The following TBC1D14 variants were observed in gnomAD, a reference collection of about 807,000 sequenced individuals.
TBC1D14 encodes the protein TBC1 domain family, member 14.
TBC1D14 carries 26 observed loss-of-function variants against 79.0 expected under a neutral mutation model. The ratio of observed to expected loss-of-function variants is 0.33; its 90% confidence interval spans 0.24 to 0.46. The LOEUF is 0.46. Ranked by LOEUF, TBC1D14 falls within the 20% of genes least tolerant of loss-of-function variation. The probability of loss-of-function intolerance (pLI) is 1.00; values close to 1 mark genes in which losing one functional copy is unlikely to be tolerated. For missense variants in TBC1D14, 769 were observed against 887.6 expected (o/e 0.87, Z 1.70); for synonymous variants, 394 against 349.9 (o/e 1.13, Z -1.40).
At chr4:6,959,959 T>C (rs1442405144) in intron 2 of TBC1D14, among the ~76,000 whole-genome samples, 3 of 152,166 alleles carry the variant, frequency 2.0e-5, no homozygotes, top group Non-Finnish European at 2.9e-5. Context: ...AAATGCCTAG[T>C]TTTGCAGTGG....
chr4:6,991,992 G>C (rs542887813), intron 3 of TBC1D14, among the ~76,000 whole-genome samples: 51 of 152,202 alleles, frequency 3.4e-4, no homozygotes, highest in Non-Finnish European at 3.4e-4. Flanking sequence ...TGGCACTAGA[G>C]CATGGTTTTC....
intron 1 of TBC1D14, among the ~76,000 whole-genome samples, chr4:6,921,817 T>C (rs4689559): frequency 0.97 from 146,125 of 151,236 alleles, 70,790 homozygotes; most frequent in East Asian, 1. Flanking sequence ...CTGCCTCAGC[T>C]TCCCTAGTAG....
Position 7,024,990 on chromosome 4 carries a change from C to G in TBC1D14, c.1758-14C>G. ...AGATTCAAAATCTGAAAAATTCCAACTTTTACCCCCTAGGATCTTTACCTT... is the reference window on the plus strand; with the variant it reads ...AGATTCAAAATCTGAAAAATTCCAAGTTTTACCCCCTAGGATCTTTACCTT... On this transcript the variant is annotated splice_polypyrimidine_tract_variant and intron_variant, in intron 12 of 13. Coordinates refer to ENST00000409757, the MANE Select transcript of TBC1D14 (RefSeq NM_020773.3). 6.2e-7 allele frequency: 1 copy of G among 1,611,532 alleles called. No individual in the cohort carries two copies. Among genetic ancestry groups the G allele is most frequent in the Non-Finnish European group, 8.5e-7 (1 of 1,178,174 alleles).
intron 1 of TBC1D14, among the ~76,000 whole-genome samples, chr4:6,912,699 A>C (rs1300539070): frequency 2.0e-5 from 3 of 152,224 alleles, no homozygotes; most frequent in African/African-American, 7.2e-5. Context: ...CGTGTCCAGG[A>C]AAGAGTAACA....
At chr4:6,950,217 CG>C (rs1192401949) in intron 2 of TBC1D14, among the ~76,000 whole-genome samples, 1 of 152,206 alleles carries the variant, frequency 6.6e-6, no homozygotes, top group Non-Finnish European at 1.5e-5. Flanking sequence ...CAGCTTCATC[CG>C]TGTCCCTGCA....
At chr4:6,914,515 C>T (rs1723240749) in intron 1 of TBC1D14, among the ~76,000 whole-genome samples, 1 of 152,198 alleles carries the variant, frequency 6.6e-6, no homozygotes, top group African/African-American at 2.4e-5. Context: ...CAGTGAGTGC[C>T]TCGGCTACTC....
At chr4:6,989,391 G>A in intron 3 of TBC1D14, among the ~76,000 whole-genome samples, 1 of 152,184 alleles carries the variant, frequency 6.6e-6, no homozygotes, top group South Asian at 2.1e-4. Context: ...GTGCTAGCCT[G>A]CTTGTGGGTG....
In TBC1D14 at chr4:6,962,155, G is replaced by A. The variant is rs542368797; in HGVS notation, c.723-5149G>A. Among the ~76,000 whole-genome samples the A allele has an allele frequency of 5.9e-5, 9 of 152,302 alleles. No homozygotes were observed. In the South Asian group the frequency reaches 1.9e-3, roughly 32 times the overall value. ...GAGGGATCTGAGTGGGCACCTGGAC[G>A]AAGGGGCTAGGTAGGAGGTGAGATA... On this transcript the variant is annotated intron_variant, in intron 2 of 13. Transcript: ENST00000409757.
intron 1 of TBC1D14, among the ~76,000 whole-genome samples, chr4:6,911,680 C>G (rs183129548): frequency 1.4e-4 from 22 of 152,350 alleles, no homozygotes; most frequent in Non-Finnish European, 2.9e-4. Context: ...CTTCCCTCCT[C>G]TACTCTGGGT....
chr4:6,954,703 C>T (rs887151284), intron 2 of TBC1D14, among the ~76,000 whole-genome samples: 5 of 152,192 alleles, frequency 3.3e-5, no homozygotes, highest in Non-Finnish European at 5.9e-5. Context: ...CAGGTTCACG[C>T]GATTCTCCTG....
intron 1 of TBC1D14, among the ~76,000 whole-genome samples, chr4:6,920,214 T>A (rs1038166505): frequency 1.3e-5 from 2 of 152,170 alleles, no homozygotes; most frequent in Non-Finnish European, 2.9e-5. Context: ...GACTCAGCGC[T>A]GCACTCTTAC....
chr4:7,000,870 G>C (rs1719602472), intron 6 of TBC1D14, among the ~76,000 whole-genome samples: 1 of 152,166 alleles, frequency 6.6e-6, no homozygotes, highest in South Asian at 2.1e-4. Flanking sequence ...ATGTGCTCAG[G>C]TCATTCAGAA....
At chr4:6,926,237 G>C (rs1246873839) in intron 2 of TBC1D14, among the ~76,000 whole-genome samples, 1 of 152,202 alleles carries the variant, frequency 6.6e-6, no homozygotes, top group Non-Finnish European at 1.5e-5. Context: ...GGATTAAAAT[G>C]GGTTAGCATG....
chr4:6,966,211 G>A (rs1486086964), intron 2 of TBC1D14, among the ~76,000 whole-genome samples: 3 of 152,202 alleles, frequency 2.0e-5, no homozygotes, highest in Non-Finnish European at 2.9e-5. Flanking sequence ...TTTTAGACAC[G>A]TCCCAGTATT....
At chr4:7,005,939 C>G (rs1288838667) in intron 8 of TBC1D14, among the ~76,000 whole-genome samples, 1 of 152,198 alleles carries the variant, frequency 6.6e-6, no homozygotes, top group African/African-American at 2.4e-5. Flanking sequence ...AGGATGATTA[C>G]TTCTTTTGGT....
At chr4:6,914,389 A>ATT (rs1723231018) in intron 1 of TBC1D14, among the ~76,000 whole-genome samples, 1 of 152,138 alleles carries the variant, frequency 6.6e-6, no homozygotes, top group African/African-American at 2.4e-5. Context: ...TTTCAGGACT[A>ATT]TTTTTATCCT....
chr4:6,957,924 A>T (rs1055778002), intron 2 of TBC1D14, among the ~76,000 whole-genome samples: 87 of 145,766 alleles, frequency 6.0e-4, no homozygotes, highest in Non-Finnish European at 1.1e-3. Context: ...AATAAATAAA[A>T]ATAAATAAAA....
At chr4:6,919,735 C>T (rs1472518292) in intron 1 of TBC1D14, among the ~76,000 whole-genome samples, 2 of 152,130 alleles carry the variant, frequency 1.3e-5, no homozygotes, top group Non-Finnish European at 2.9e-5. Flanking sequence ...ATTCTCCTGC[C>T]TCAGCCTCCT....
intron 2 of TBC1D14, among the ~76,000 whole-genome samples, chr4:6,964,095 C>T (rs1715487685): frequency 6.6e-6 from 1 of 152,202 alleles, no homozygotes; most frequent in Admixed American, 6.5e-5. Context: ...CGTGCCCAGC[C>T]ACAACTTTGA....
Sources: allele counts gnomAD v4.1 joint callset (sites outside exome capture counted in the v4.1 genomes callset), GRCh38; gene constraint gnomAD v4.1.1; transcripts MANE v1.5; gene names NCBI Gene and HGNC (gene_info 2026-07-23, HGNC 2026-07-21).